RIC8A: variants seen among roughly 807,000 people sequenced by gnomAD.
RIC8A encodes chaperone Ric-8A.
RIC8A carries 37 observed loss-of-function variants against 48.4 expected under a neutral mutation model. That is an observed-to-expected ratio of 0.77 (90% CI 0.59 to 1.01). RIC8A has a LOEUF of 1.01. RIC8A is among the 50% of genes least tolerant of loss of function. The probability of loss-of-function intolerance (pLI) is 0.00; values close to 1 mark genes in which losing one functional copy is unlikely to be tolerated. For synonymous variants in RIC8A, 288 were observed against 283.4 expected (o/e 1.02, Z -0.16); for missense variants, 681 against 696.8 (o/e 0.98, Z 0.25).
Position 214,561 on chromosome 11 carries a change from A to T in RIC8A, c.*211A>T. 1 of 672,238 alleles carries T rather than the reference A, an allele frequency of 1.5e-6. No homozygotes were observed. Among genetic ancestry groups the T allele is most frequent in the Non-Finnish European group, 2.7e-6 (1 of 376,270 alleles). 41.6% of individuals were successfully genotyped at this position (672,238 alleles called of 1,614,324 possible). The stretch of plus-strand genomic sequence containing the variant: ...GACTGCAACGGTCTTCTTGTGCTAG[A>T]ACTCAGGCTCAGCCTCGAATTCCAC... On this transcript the variant is annotated 3_prime_UTR_variant, in exon 10 of 10. Coordinates refer to ENST00000526104, the MANE Select transcript of RIC8A (RefSeq NM_001286134.2).
chr11:212,048 C>A (rs193211036), intron 5 of RIC8A: 131 of 277,264 alleles, frequency 4.7e-4, no homozygotes, highest in African/African-American at 2.7e-3. Flanking sequence ...GTTCTCGTTT[C>A]TTTTTGCCAC....
intron 1 of RIC8A, 103 bp downstream of exon 1, chr11:209,041 A>C: frequency 8.7e-7 from 1 of 1,145,322 alleles, no homozygotes; most frequent in Non-Finnish European, 1.3e-6. Flanking sequence ...TGTGTCAGCA[A>C]GCGTAGGGGA....
chr11:210,789 GGTGA>G lies in RIC8A; in HGVS notation c.818+133_818+136del, dbSNP rs563962775. 3.0e-3 allele frequency: 2,588 copies of G among 858,660 alleles called. 14 individuals carry two copies. The highest frequency in any genetic ancestry group is 4.6e-3 in the Middle Eastern group (14 of 3,068). The allele number at this position is 858,660 out of a possible 1,614,324, so 53.2% of individuals were successfully genotyped here. ...ACCCTAGAGAGTCTGACGTTGTCTGGGTGAGTGAGACTGGACATAGCCATGAATT... is the reference window on the plus strand; with the variant it reads ...ACCCTAGAGAGTCTGACGTTGTCTGGGTGAGACTGGACATAGCCATGAATT... On this transcript the variant is annotated intron_variant, in intron 4 of 9. Coordinates refer to ENST00000526104, the MANE Select transcript of RIC8A (RefSeq NM_001286134.2).
At chr11:213,802 C>G in intron 9 of RIC8A, 1 of 239,044 alleles carries the variant, frequency 4.2e-6, no homozygotes, top group African/African-American at 2.3e-5. Context: ...AAAAAGTTAG[C>G]TGGGCGTGGT....
chr11:210,718 C>T, intron 4 of RIC8A, 56 bp downstream of exon 4: 1 of 1,539,638 alleles, frequency 6.5e-7, no homozygotes, highest in Non-Finnish European at 9.0e-7. Context: ...AGATGGTCGT[C>T]CTCAACCCCG....
In RIC8A at chr11:211,106, G is replaced by A. The variant is rs551303212; in HGVS notation, c.819-93G>A. The A allele has an allele frequency of 7.2e-6, 10 of 1,391,104 alleles. No homozygotes were observed. In the African/African-American group the frequency reaches 1.2e-4, roughly 16 times the overall value. 86.2% of individuals were successfully genotyped at this position (1,391,104 alleles called of 1,614,324 possible). ...CTGCCCCTTTGGGACTCAGATGCCA[G>A]CTCATGTAATGTGTGGTTCAGCGGA... On this transcript the variant is annotated intron_variant, in intron 4 of 9. Transcript: ENST00000526104. The surrounding 1 kb of genome is among the most constrained non-coding windows in gnomAD (Gnocchi z 4.0).
In RIC8A at chr11:211,395, T is replaced by C; in HGVS notation, c.969+46T>C. On this transcript the variant is annotated intron_variant, in intron 5 of 9. Transcript: ENST00000526104. The surrounding 1 kb of genome is among the most constrained non-coding windows in gnomAD (Gnocchi z 4.0). ...CAGGCTCCCCCAGTGGCTCTGGCAC[T>C]GGTTCTCCTGCACAGATGTGGTCAG... 2 of 1,589,022 alleles carry C rather than the reference T, an allele frequency of 1.3e-6. No homozygotes were observed. The highest frequency in any genetic ancestry group is 2.3e-5 in the South Asian group (2 of 87,550).
In RIC8A at chr11:209,855, A is replaced by G. The variant is rs1004907785; in HGVS notation, c.581A>G (p.Asp194Gly). ...QELKGVRLLT[D>G]TLELTLGVTP... ...CTGAAAGGAGTGCGCCTGCTAACTG[A>G]CACACTGGAGCTGACGCTGGGGGTG... The change falls in exon 3 of 10, where the codon GAC becomes GGC. Residue 194 changes from aspartate to glycine, a missense_variant. Coordinates refer to ENST00000526104, the MANE Select transcript of RIC8A (RefSeq NM_001286134.2). 6.2e-6 allele frequency: 10 copies of G among 1,613,244 alleles called. No homozygotes were observed. The East Asian group carries it at 6.7e-5, about 11-fold the overall frequency.
At position 213,396 on chromosome 11, in the gene RIC8A, AC is replaced by A; in HGVS notation, c.1455del (p.Met486CysfsTer16). On this transcript the variant is annotated frameshift_variant, in exon 9 of 10. Coordinates refer to ENST00000526104, the MANE Select transcript of RIC8A (RefSeq NM_001286134.2). LOFTEE classifies it high-confidence loss of function. ...QKEHEAMKLV[T>X]MFDKLSRNRV... ...GGAGCACGAGGCCATGAAGCTGGTG[AC>A]CATGTTTGACAAGCTCTCCAGGTGT... 1 of 1,596,886 alleles carries A rather than the reference AC, an allele frequency of 6.3e-7. No homozygotes were observed. Among genetic ancestry groups the A allele is most frequent in the Non-Finnish European group, 8.5e-7 (1 of 1,171,170 alleles).
Position 208,980 on chromosome 11 carries a change from TGG to T in RIC8A, c.84+45_84+46del. On this transcript the variant is annotated intron_variant, in intron 1 of 9. Transcript: ENST00000526104. This position sits in a 1 kb window ranked among gnomAD's most constrained non-coding sequence, Gnocchi z 4.8. Reference sequence around the variant, plus strand: ...GGCCGGGGGGCGGGCACGGAGGGGGTGGGGCAGGGTCGTGCGCGGGTAGCAGG... The same window carrying T: ...GGCCGGGGGGCGGGCACGGAGGGGGTGGCAGGGTCGTGCGCGGGTAGCAGG... 1.4e-5 allele frequency: 9 copies of T among 633,678 alleles called. No individual in the cohort carries two copies. Among genetic ancestry groups the T allele is most frequent in the Non-Finnish European group, 2.2e-5 (9 of 415,554 alleles). 39.3% of individuals were successfully genotyped at this position (633,678 alleles called of 1,614,324 possible).
At chr11:210,238 G>A (rs1590074633) in intron 3 of RIC8A, 1 of 656,832 alleles carries the variant, frequency 1.5e-6, no homozygotes, top group Admixed American at 2.1e-5. Flanking sequence ...GCTGTGTGGT[G>A]TCTGGGGAGA....
At chr11:210,138 C>T in intron 3 of RIC8A, 138 bp downstream of exon 3, 1 of 777,082 alleles carries the variant, frequency 1.3e-6, no homozygotes, top group Admixed American at 2.7e-5. Context: ...TGGGACAAGG[C>T]CAAGGAGATG....
intron 3 of RIC8A, 182 bp from the exon 4 acceptor site, chr11:210,389 G>T: frequency 1.4e-6 from 1 of 722,930 alleles, no homozygotes; most frequent in Non-Finnish European, 2.5e-6. Context: ...GACAGCAGTG[G>T]TCATCTTTTG....
At chr11:214,122 T>C (rs976423158) in intron 9 of RIC8A, 108 bp from the exon 10 acceptor site, 4 of 1,313,660 alleles carry the variant, frequency 3.0e-6, no homozygotes, top group Non-Finnish European at 4.2e-6. Flanking sequence ...CCCCAGTAAA[T>C]GGGAGCAGCC....
chr11:212,337 G>A (rs188033417), intron 5 of RIC8A, 79 bp from the exon 6 acceptor site: 4 of 1,373,584 alleles, frequency 2.9e-6, no homozygotes, highest in African/African-American at 1.4e-5. Flanking sequence ...TGGTGGGAAG[G>A]GGTGGTGGGG....
chr11:212,343 T>C, intron 5 of RIC8A, 73 bp from the exon 6 acceptor site: 1 of 1,430,072 alleles, frequency 7.0e-7, no homozygotes, highest in Non-Finnish European at 9.7e-7. Flanking sequence ...GAAGGGGTGG[T>C]GGGGAGGTGT....
At position 214,765 on chromosome 11, in the gene RIC8A, A is replaced by G. The variant is rs1855492974; in HGVS notation, c.*415A>G. 1 of 352,208 alleles carries G rather than the reference A, an allele frequency of 2.8e-6. No homozygotes were observed. Among genetic ancestry groups the G allele is most frequent in the Non-Finnish European group, 5.6e-6 (1 of 180,162 alleles). The allele number at this position is 352,208 out of a possible 1,614,324, so 21.8% of individuals were successfully genotyped here. On this transcript the variant is annotated 3_prime_UTR_variant, in exon 10 of 10. Coordinates refer to ENST00000526104, the MANE Select transcript of RIC8A (RefSeq NM_001286134.2). ...ACTGGCAGAGCCAGTGTGTTGGGGT[A>G]TGTGCTGCACTTCCCAGGGAGAAAA...
intron 8 of RIC8A, 147 bp downstream of exon 8, chr11:213,128 G>T (rs1198185498): frequency 1.2e-5 from 17 of 1,371,068 alleles, no homozygotes; most frequent in Non-Finnish European, 5.9e-6. Flanking sequence ...GTGCTATCTG[G>T]GATACCAGAA....
intron 1 of RIC8A, 79 bp downstream of exon 1, chr11:209,017 G>A (rs1157315202): frequency 4.6e-6 from 6 of 1,297,112 alleles, no homozygotes; most frequent in East Asian, 2.5e-5. Flanking sequence ...GGAGGGCGTG[G>A]GTGAGGCAGA....
Sources: allele counts gnomAD v4.1 joint callset, GRCh38; gene constraint gnomAD v4.1.1; non-coding constraint Gnocchi (gnomAD v3.1); transcripts MANE v1.5; gene names NCBI Gene and HGNC (gene_info 2026-07-23, HGNC 2026-07-21).